The following PDP2 variants were observed in gnomAD, a reference collection of about 807,000 sequenced individuals.
The protein encoded by PDP2 is [Pyruvate dehydrogenase [acetyl-transferring]]-phosphatase 2, mitochondrial.
A neutral mutation model predicts 34.2 loss-of-function variants in PDP2; 23 were observed. That is an observed-to-expected ratio of 0.67 (90% CI 0.48 to 0.95). The LOEUF is 0.95. PDP2 is among the 40% of genes least tolerant of loss of function. The probability of loss-of-function intolerance (pLI) is 0.00; values close to 1 mark genes in which losing one functional copy is unlikely to be tolerated. For synonymous variants in PDP2, 275 were observed against 269.2 expected, an observed-to-expected ratio of 1.02 and a Z score of -0.21; for missense variants, 571 against 659.6, an observed-to-expected ratio of 0.87 and a Z score of 1.47.
intron 1 of PDP2, 37 bp from the exon 2 acceptor site, chr16:66,884,191 AAAG>A: frequency 4.3e-5 from 53 of 1,239,712 alleles, no homozygotes; most frequent in Admixed American, 2.6e-4. Context: ...AAAAAAAAAA[AAAG>A]AAATTAAATT....
At position 66,889,922 on chromosome 16, in the gene PDP2, T is replaced by C. The variant is rs1372210507; in HGVS notation, c.*4048T>C. 2 of 150,458 alleles carry C rather than the reference T, an allele frequency of 1.3e-5. No individual in the cohort carries two copies. Among genetic ancestry groups the C allele is most frequent in the African/African-American group, 2.5e-5 (1 of 40,748 alleles). The allele number at this position is 150,458 out of a possible 1,614,324, so 9.3% of individuals were successfully genotyped here. A position where few individuals can be genotyped will look rare whatever the true frequency, so the allele number is the denominator to read the frequency against. ...CCAGAGTGAGCTGTGATCGTGCCATTGCACTCCAGACTGAGTGACAGAGTG... is the reference window on the plus strand; with the variant it reads ...CCAGAGTGAGCTGTGATCGTGCCATCGCACTCCAGACTGAGTGACAGAGTG... On this transcript the variant is annotated 3_prime_UTR_variant, in exon 2 of 2. Transcript: ENST00000311765.
At chr16:66,881,355 C>G (rs1411809019) in intron 1 of PDP2, among the ~76,000 whole-genome samples, 1 of 150,214 alleles carries the variant, frequency 6.7e-6, no homozygotes, top group East Asian at 1.9e-4. Flanking sequence ...CAAATGATCT[C>G]GAGATCCCGA....
rs11644168 is a variant in PDP2, at chr16:66,887,844, C to G, written c.*1970C>G. The stretch of plus-strand genomic sequence containing the variant: ...GTGCATGCCTGTAATCCCAGCTACT[C>G]GGGAGGCTGAGGCAGGAAAATCACT... On this transcript the variant is annotated 3_prime_UTR_variant, in exon 2 of 2. Transcript: ENST00000311765. The G allele has an allele frequency of 6.6e-6, 1 of 151,228 alleles. No individual in the cohort carries two copies. Among genetic ancestry groups the G allele is most frequent in the African/African-American group, 2.4e-5 (1 of 41,014 alleles). 9.4% of individuals were successfully genotyped at this position (151,228 alleles called of 1,614,324 possible).
rs951668120 is a variant in PDP2 at position 66,886,500 on chromosome 16, A to C, written c.*626A>C. 8.7e-6 allele frequency: 4 copies of C among 458,356 alleles called. No homozygotes were observed. Among genetic ancestry groups the C allele is most frequent in the African/African-American group, 2.0e-5 (1 of 49,658 alleles). 28.4% of individuals were successfully genotyped at this position (458,356 alleles called of 1,614,324 possible). On this transcript the variant is annotated 3_prime_UTR_variant, in exon 2 of 2. Coordinates refer to ENST00000311765, the MANE Select transcript of PDP2 (RefSeq NM_020786.4). Reference sequence around the variant, plus strand: ...TAAAACTGAATCCTTAAACTTGCAAACACGCCTACTGTAAGCATGCTTGGA... The same window carrying C: ...TAAAACTGAATCCTTAAACTTGCAACCACGCCTACTGTAAGCATGCTTGGA...
Position 66,884,761 on chromosome 16 carries a change from T to C in PDP2, c.477T>C (p.Tyr159=), listed in dbSNP as rs745470116. 1 of 1,614,212 alleles carries C rather than the reference T, an allele frequency of 6.2e-7. No homozygotes were observed. The highest frequency in any genetic ancestry group is 1.1e-5 in the South Asian group (1 of 91,086). The change falls in exon 2 of 2, where the codon TAT becomes TAC. Residue 159 remains tyrosine (Y), a synonymous_variant. Coordinates refer to ENST00000311765, the MANE Select transcript of PDP2 (RefSeq NM_020786.4). ...AQAVSERLFY[Y]VAVSLMSHQT... is the part of the protein sequence containing the mutation. Reference sequence around the variant, plus strand: ...CAGTGAGCGAGAGGCTCTTCTACTATGTGGCAGTGTCCCTGATGTCCCACC... The same window carrying C: ...CAGTGAGCGAGAGGCTCTTCTACTACGTGGCAGTGTCCCTGATGTCCCACC...
At position 66,885,445 on chromosome 16, in the gene PDP2, C is replaced by A; in HGVS notation, c.1161C>A (p.Pro387=). 6.2e-7 allele frequency: 1 copy of A among 1,613,870 alleles called. No homozygotes were observed. Among genetic ancestry groups the A allele is most frequent in the Non-Finnish European group, 8.5e-7 (1 of 1,180,028 alleles). Residue 387 remains proline, a synonymous_variant, in exon 2 of 2, where the codon CCC becomes CCA. Transcript: ENST00000311765. This position sits in a 1 kb window ranked among gnomAD's most constrained non-coding sequence, Gnocchi z 4.6. ...CACCCCCACACTACTACACTCCACCCTACCTGACTGCTGAGCCTGAGGTCA... is the reference window on the plus strand; with the variant it reads ...CACCCCCACACTACTACACTCCACCATACCTGACTGCTGAGCCTGAGGTCA... The part of the protein sequence containing the change: ...QFTPPHYYTP[P]YLTAEPEVTY...
In PDP2 at chr16:66,891,083, G is replaced by A. The variant is rs769629844; in HGVS notation, c.*5209G>A. 2.6e-4 allele frequency: 40 copies of A among 152,150 alleles called. No individual in the cohort carries two copies. The highest frequency in any genetic ancestry group is 5.0e-4 in the Non-Finnish European group (34 of 67,994). The allele number at this position is 152,150 out of a possible 1,614,324, so 9.4% of individuals were successfully genotyped here. On this transcript the variant is annotated 3_prime_UTR_variant, in exon 2 of 2. Coordinates refer to ENST00000311765, the MANE Select transcript of PDP2 (RefSeq NM_020786.4). ...CATTAGAGATATTTAATTAAAACTT[G>A]GAAATGAAAGAAACAAAATGAAATT...
rs1402047691 is a variant in PDP2 at position 66,884,653 on chromosome 16, G to A, written c.369G>A (p.Arg123=). 5 of 1,614,128 alleles carry A rather than the reference G, an allele frequency of 3.1e-6. No homozygotes were observed. Among genetic ancestry groups the A allele is most frequent in the South Asian group, 2.2e-5 (2 of 91,094 alleles). Residue 123 remains arginine, a synonymous_variant, in exon 2 of 2, where the codon CGG becomes CGA. Coordinates refer to ENST00000311765, the MANE Select transcript of PDP2 (RefSeq NM_020786.4). ...QLAANSPVED[R]RGVASCLQTN... is the part of the protein sequence containing the mutation. Reference sequence around the variant, plus strand: ...CTGCCAATTCCCCAGTGGAGGACCGGCGAGGTGTAGCCTCCTGCCTGCAAA... The same window carrying A: ...CTGCCAATTCCCCAGTGGAGGACCGACGAGGTGTAGCCTCCTGCCTGCAAA...
In PDP2 at chr16:66,890,494, C is replaced by A. The variant is rs552206919; in HGVS notation, c.*4620C>A. ...GGGTAAAGTTCAGTTTAGACACAAT[C>A]AAATTGGCATCTTTTAAACATAAGT... On this transcript the variant is annotated 3_prime_UTR_variant, in exon 2 of 2. Coordinates refer to ENST00000311765, the MANE Select transcript of PDP2 (RefSeq NM_020786.4). 2.6e-5 allele frequency: 4 copies of A among 152,262 alleles called. No homozygotes were observed. The East Asian group carries it at 7.7e-4, about 29-fold the overall frequency. 9.4% of individuals were successfully genotyped at this position (152,262 alleles called of 1,614,324 possible).
intron 1 of PDP2, among the ~76,000 whole-genome samples, chr16:66,881,428 T>TTTAA (rs1555516135): frequency 1.2e-4 from 14 of 119,190 alleles, no homozygotes; most frequent in African/African-American, 2.0e-4. Flanking sequence ...GTTTTTTTTT[T>TTTAA]TTTAATTTAA....
chr16:66,885,180 T>C lies in PDP2; in HGVS notation c.896T>C (p.Met299Thr). ...CTTGGTGTCCAAGAGGACAATGGCA[T>C]GTGGTCTTGTCTGCCCCTTACACGT... ...AILGVQEDNG[M>T]WSCLPLTRDH... The change falls in exon 2 of 2, where the codon ATG becomes ACG. Residue 299 changes from methionine (M) to threonine (T), a missense_variant. Met to Thr is a moderately conservative substitution (Grantham distance 81). This residue lies in a region of PDP2 where 281 missense variants were observed against 375.8 expected (regional missense o/e 0.75). Transcript: ENST00000311765. This position sits in a 1 kb window ranked among gnomAD's most constrained non-coding sequence, Gnocchi z 4.6. 6.2e-7 allele frequency: 1 copy of C among 1,614,046 alleles called. No homozygotes were observed. The highest frequency in any genetic ancestry group is 1.3e-5 in the African/African-American group (1 of 75,052).
rs1053809663 is a variant in PDP2, at chr16:66,884,538, T to C, written c.254T>C (p.Val85Ala). 6 of 1,614,070 alleles carry C rather than the reference T, an allele frequency of 3.7e-6. No individual in the cohort carries two copies. Among genetic ancestry groups the C allele is most frequent in the African/African-American group, 2.7e-5 (2 of 74,924 alleles). The stretch of plus-strand genomic sequence containing the variant: ...CTCAGCCCTGAGCAGATAAATGAAG[T>C]GCTTCGAGCTGGCGAGACAACCCAC... ...LQLSPEQINE[V>A]LRAGETTHKI... The change falls in exon 2 of 2, where the codon GTG becomes GCG. Residue 85 changes from valine to alanine, a missense_variant. Transcript: ENST00000311765.
rs756807244 is a variant in PDP2 at position 66,884,752 on chromosome 16, C to A, written c.468C>A (p.Leu156=). The change falls in exon 2 of 2, where the codon CTC becomes CTA. Residue 156 remains leucine (L), a synonymous_variant. Coordinates refer to ENST00000311765, the MANE Select transcript of PDP2 (RefSeq NM_020786.4). ...GTGCCCAAGCAGTGAGCGAGAGGCT[C>A]TTCTACTATGTGGCAGTGTCCCTGA... ...HACAQAVSER[L]FYYVAVSLMS... 2 of 1,614,178 alleles carry A rather than the reference C, an allele frequency of 1.2e-6. No homozygotes were observed. Among genetic ancestry groups the A allele is most frequent in the South Asian group, 2.2e-5 (2 of 91,084 alleles).
chr16:66,884,234 T>G lies in PDP2; in HGVS notation c.-51T>G. On this transcript the variant is annotated 5_prime_UTR_variant, in exon 2 of 2. Transcript: ENST00000311765. ...ACTTCAACTTTTTAATTTTTAGGTT[T>G]AAAAATATCCTTTTTTGCTGAAGGA... 3 of 1,470,588 alleles carry G rather than the reference T, an allele frequency of 2.0e-6. No individual in the cohort carries two copies. The highest frequency in any genetic ancestry group is 2.7e-6 in the Non-Finnish European group (3 of 1,096,798). 91.1% of individuals were successfully genotyped at this position (1,470,588 alleles called of 1,614,324 possible). A position where few individuals can be genotyped will look rare whatever the true frequency, so the allele number is the denominator to read the frequency against.
intron 1 of PDP2, among the ~76,000 whole-genome samples, chr16:66,881,428 T>TTTAATTTAA (rs1555516135): frequency 4.4e-4 from 52 of 119,176 alleles, no homozygotes; most frequent in Middle Eastern, 3.9e-3. Flanking sequence ...GTTTTTTTTT[T>TTTAATTTAA]TTTAATTTAA....
chr16:66,887,590 C>T lies in PDP2; in HGVS notation c.*1716C>T, dbSNP rs1410189391. On this transcript the variant is annotated 3_prime_UTR_variant, in exon 2 of 2. Coordinates refer to ENST00000311765, the MANE Select transcript of PDP2 (RefSeq NM_020786.4). ...ACATTTTTCAGTGCAACTGTTTAGT[C>T]ATGTGTTTTCATCTAAGAAATTATC... The T allele has an allele frequency of 3.0e-5, 5 of 167,100 alleles. No homozygotes were observed. The highest frequency in any genetic ancestry group is 7.2e-5 in the African/African-American group (3 of 41,452). The allele number at this position is 167,100 out of a possible 1,614,324, so 10.4% of individuals were successfully genotyped here.
At position 66,885,746 on chromosome 16, in the gene PDP2, G is replaced by A. The variant is rs1961738510; in HGVS notation, c.1462G>A (p.Glu488Lys). 11 of 1,613,862 alleles carry A rather than the reference G, an allele frequency of 6.8e-6. No individual in the cohort carries two copies. Among genetic ancestry groups the A allele is most frequent in the Non-Finnish European group, 9.3e-6 (11 of 1,180,042 alleles). ...AIGNNEYGEMEAERLAAMLTL... is the reference protein window; with the variant it reads ...AIGNNEYGEMKAERLAAMLTL... ...CGGGAACAATGAGTATGGGGAGATG[G>A]AGGCAGAGCGGCTGGCGGCGATGCT... The change falls in exon 2 of 2, where the codon GAG (glutamate) becomes AAG (lysine). Residue 488 changes from glutamate (E) to lysine (K), a missense_variant. Coordinates refer to ENST00000311765, the MANE Select transcript of PDP2 (RefSeq NM_020786.4). This position sits in a 1 kb window ranked among gnomAD's most constrained non-coding sequence, Gnocchi z 4.6.
At chr16:66,883,690 C>T (rs1182109655) in intron 1 of PDP2, among the ~76,000 whole-genome samples, 1 of 145,118 alleles carries the variant, frequency 6.9e-6, no homozygotes, top group Non-Finnish European at 1.5e-5. Context: ...TCAAGCTATC[C>T]ACCCACCTTG....
At chr16:66,883,553 C>T (rs1961604169) in intron 1 of PDP2, among the ~76,000 whole-genome samples, 1 of 152,198 alleles carries the variant, frequency 6.6e-6, no homozygotes. Context: ...ATTCTCCTAC[C>T]TCAGCCTCCC....
Sources: allele counts gnomAD v4.1 joint callset (sites outside exome capture counted in the v4.1 genomes callset), GRCh38; gene constraint gnomAD v4.1.1; regional missense constraint gnomAD v4.1.1; non-coding constraint Gnocchi (gnomAD v3.1); transcripts MANE v1.5; gene names NCBI Gene and HGNC (gene_info 2026-07-23, HGNC 2026-07-21).